The following PXDNL variants were observed in gnomAD, a reference collection of about 807,000 sequenced individuals.
PXDNL encodes the protein peroxidasin like, also known as probable oxidoreductase PXDNL.
In PXDNL, 145 loss-of-function variants were observed where a neutral mutation model predicts 150.8. That is an observed-to-expected ratio of 0.96 (90% CI 0.84 to 1.10). PXDNL has a LOEUF of 1.10. PXDNL is among the 50% of genes least tolerant of loss of function. The probability of loss-of-function intolerance (pLI) is 0.00; values close to 1 mark genes in which losing one functional copy is unlikely to be tolerated. For synonymous variants in PXDNL, 757 were observed against 725.7 expected, an observed-to-expected ratio of 1.04 and a Z score of -0.69; for missense variants, 2,087 against 1,873.9, an observed-to-expected ratio of 1.11 and a Z score of -2.10.
In PXDNL at chr8:51,592,708, C is replaced by CA. The variant is rs1437367930; in HGVS notation, c.237-11dup. Reference sequence around the variant, plus strand: ...GTTGTTGTTCAGCAGACTGAAAAAGCAAAAACAAACAAATAATTCCCAAAT... The same window carrying CA: ...GTTGTTGTTCAGCAGACTGAAAAAGCAAAAAACAAACAAATAATTCCCAAAT... On this transcript the variant is annotated splice_polypyrimidine_tract_variant and intron_variant, in intron 2 of 22. Transcript: ENST00000356297. The CA allele has an allele frequency of 6.5e-7, 1 of 1,531,080 alleles. No homozygotes were observed. The highest frequency in any genetic ancestry group is 8.8e-7 in the Non-Finnish European group (1 of 1,136,362). 94.8% of individuals were successfully genotyped at this position (1,531,080 alleles called of 1,614,324 possible).
At chr8:51,355,546 C>T (rs964286314) in intron 19 of PXDNL, among the ~76,000 whole-genome samples, 15 of 152,096 alleles carry the variant, frequency 9.9e-5, no homozygotes, top group Non-Finnish European at 2.2e-4. Flanking sequence ...CTTATCTTGT[C>T]TTAGGAAACA....
intron 1 of PXDNL, among the ~76,000 whole-genome samples, chr8:51,713,380 G>T (rs924821805): frequency 4.6e-5 from 7 of 152,172 alleles, no homozygotes; most frequent in Non-Finnish European, 1.0e-4. Flanking sequence ...GCAGCAGCTG[G>T]CTAAATGTAG....
intron 1 of PXDNL, among the ~76,000 whole-genome samples, chr8:51,694,321 C>T (rs1317403907): frequency 1.3e-5 from 2 of 152,122 alleles, no homozygotes; most frequent in African/African-American, 2.4e-5. Context: ...CAAGATGGTG[C>T]TACTGCCCTC....
chr8:51,493,599 G>A (rs1253497938), intron 5 of PXDNL, among the ~76,000 whole-genome samples: 2 of 152,214 alleles, frequency 1.3e-5, no homozygotes, highest in African/African-American at 4.8e-5. Flanking sequence ...ACCTGATGGA[G>A]CTGAAAACCA....
In PXDNL at chr8:51,423,737, G is replaced by A. The variant is rs757740947; in HGVS notation, c.1639-6C>T. 21 of 1,600,090 alleles carry A rather than the reference G, an allele frequency of 1.3e-5. No homozygotes were observed. The highest frequency in any genetic ancestry group is 1.7e-5 in the Non-Finnish European group (20 of 1,175,184). ...TCAGTAATCTGCACACCTTCCTAGG[G>A]AGCAAAAAAGAGTTGCCACTGAATG... On this transcript the variant is annotated splice_region_variant and splice_polypyrimidine_tract_variant and intron_variant, in intron 13 of 22. Coordinates refer to ENST00000356297, the MANE Select transcript of PXDNL (RefSeq NM_144651.5).
rs1490805673 is a variant in PXDNL, at chr8:51,409,528, G to A, written c.2096C>T (p.Ser699Phe). 1.2e-6 allele frequency: 2 copies of A among 1,603,012 alleles called. No individual in the cohort carries two copies. Among genetic ancestry groups the A allele is most frequent in the Non-Finnish European group, 1.7e-6 (2 of 1,174,660 alleles). ...AGATAAATTGGCGATGAGGCTGAGGGAGCGCGGGGACACCAAGTCATTGTA... is the reference window on the plus strand; with the variant it reads ...AGATAAATTGGCGATGAGGCTGAGGAAGCGCGGGGACACCAAGTCATTGTA... ...FRYNDLVSPR[S>F]LSLIANLSGC... The change falls in exon 17 of 23, where the codon TCC (serine) becomes TTC (phenylalanine). Residue 699 changes from serine to phenylalanine, a missense_variant. Physicochemically the swap from Ser to Phe is radical, Grantham distance 155. Transcript: ENST00000356297.
At chr8:51,586,720 TG>T (rs1292426970) in intron 3 of PXDNL, among the ~76,000 whole-genome samples, 3 of 152,188 alleles carry the variant, frequency 2.0e-5, no homozygotes, top group African/African-American at 7.2e-5. Flanking sequence ...AAAATGCCAA[TG>T]CTAAGGATAC....
At chr8:51,563,822 T>C (rs1382368106) in intron 3 of PXDNL, among the ~76,000 whole-genome samples, 1 of 152,014 alleles carries the variant, frequency 6.6e-6, no homozygotes, top group Non-Finnish European at 1.5e-5. Context: ...TGTGGTATCA[T>C]GCTCTGCTCA....
At chr8:51,638,524 A>G (rs1334815294) in intron 2 of PXDNL, among the ~76,000 whole-genome samples, 1 of 152,036 alleles carries the variant, frequency 6.6e-6, no homozygotes, top group Admixed American at 6.5e-5. Context: ...AGCAAATAGA[A>G]AACGAAAAAA....
At chr8:51,600,980 A>T (rs1038683342) in intron 2 of PXDNL, among the ~76,000 whole-genome samples, 1 of 145,402 alleles carries the variant, frequency 6.9e-6, no homozygotes, top group Non-Finnish European at 1.5e-5. Context: ...TTATATAATT[A>T]ATTATATCTT....
At chr8:51,401,259 A>G (rs1018348783) in intron 17 of PXDNL, among the ~76,000 whole-genome samples, 7 of 152,078 alleles carry the variant, frequency 4.6e-5, no homozygotes, top group Non-Finnish European at 7.4e-5. Context: ...TATTGTTTAG[A>G]AAAAAAATGT....
intron 1 of PXDNL, among the ~76,000 whole-genome samples, chr8:51,744,044 AG>A (rs1286503445): frequency 2.8e-5 from 1 of 35,154 alleles, no homozygotes; most frequent in African/African-American, 9.3e-5. Flanking sequence ...GAAGGAAGGA[AG>A]GAAGGAAGGA....
intron 1 of PXDNL, among the ~76,000 whole-genome samples, chr8:51,758,490 G>C (rs1256464596): frequency 1.3e-5 from 2 of 152,176 alleles, no homozygotes; most frequent in African/African-American, 4.8e-5. Context: ...GTTAAGCTTT[G>C]TGTCCCACCC....
chr8:51,602,437 T>C (rs1210423447), intron 2 of PXDNL, among the ~76,000 whole-genome samples: 1 of 152,076 alleles, frequency 6.6e-6, no homozygotes, highest in East Asian at 1.9e-4. Flanking sequence ...CTTCAAGCTC[T>C]GAAATTCTTT....
intron 4 of PXDNL, among the ~76,000 whole-genome samples, chr8:51,524,031 G>A (rs1302487413): frequency 2.6e-5 from 4 of 152,196 alleles, no homozygotes; most frequent in African/African-American, 9.7e-5. Flanking sequence ...TGGGGCCTCT[G>A]CAGCAGGATC....
At chr8:51,735,106 A>T (rs1817005757) in intron 1 of PXDNL, among the ~76,000 whole-genome samples, 1 of 152,366 alleles carries the variant, frequency 6.6e-6, no homozygotes, top group African/African-American at 2.4e-5. Flanking sequence ...GGCTTGATTT[A>T]GTCATTCTAC....
chr8:51,408,395 C>G lies in PXDNL; in HGVS notation c.3229G>C (p.Gly1077Arg). The G allele has an allele frequency of 6.2e-7, 1 of 1,614,030 alleles. No homozygotes were observed. The highest frequency in any genetic ancestry group is 8.5e-7 in the Non-Finnish European group (1 of 1,179,902). The change falls in exon 17 of 23, where the codon GGC (glycine) becomes CGC (arginine). Residue 1077 changes from glycine to arginine, a missense_variant. Coordinates refer to ENST00000356297, the MANE Select transcript of PXDNL (RefSeq NM_144651.5). The stretch of plus-strand genomic sequence containing the variant: ...AGCGCTTTATGGAACGGAAGGTGGC[C>G]TTCGGAAATTTCACCTAAGGTGGCA... Reference protein sequence around the residue: ...LNATLGEISEGHLPFHKALFS... With the variant: ...LNATLGEISERHLPFHKALFS...
chr8:51,580,591 T>A (rs975853816), intron 3 of PXDNL, among the ~76,000 whole-genome samples: 3 of 152,170 alleles, frequency 2.0e-5, no homozygotes, highest in Non-Finnish European at 4.4e-5. Flanking sequence ...ACCAAAGTCA[T>A]CCATTCTACA....
rs776775687 is a variant in PXDNL at position 51,426,727 on chromosome 8, A to G, written c.1557T>C (p.Asp519=). 1.5e-5 allele frequency: 24 copies of G among 1,603,666 alleles called. No individual in the cohort carries two copies. Among genetic ancestry groups the G allele is most frequent in the Admixed American group, 6.8e-5 (4 of 58,640 alleles). The change falls in exon 13 of 23, where the codon GAT becomes GAC. Residue 519 remains aspartate, a synonymous_variant. Coordinates refer to ENST00000356297, the MANE Select transcript of PXDNL (RefSeq NM_144651.5). ...ALAVFTQLPQ[D]TSVEVGKNIN... is the part of the protein sequence containing the mutation. Reference sequence around the variant, plus strand: ...TATTCTTTCCAACCTCGACACTTGTATCCTGAGGAAGTTGAGTAAACACTG... The same window carrying G: ...TATTCTTTCCAACCTCGACACTTGTGTCCTGAGGAAGTTGAGTAAACACTG...
Sources: allele counts gnomAD v4.1 joint callset (sites outside exome capture counted in the v4.1 genomes callset), GRCh38; gene constraint gnomAD v4.1.1; transcripts MANE v1.5; gene names NCBI Gene and HGNC (gene_info 2026-07-23, HGNC 2026-07-21).